Variants in KDM8 observed in about 807,000 individuals in gnomAD.
KDM8 encodes bifunctional peptidase and arginyl-hydroxylase JMJD5.
KDM8 carries 35 observed loss-of-function variants against 46.9 expected under a neutral mutation model. The ratio of observed to expected loss-of-function variants is 0.75; its 90% CI spans 0.57 to 0.99. The LOEUF is 0.99. Ranked by LOEUF, KDM8 falls within the 50% of genes least tolerant of loss-of-function variation. The pLI is 0.00. For synonymous variants in KDM8, 232 were observed against 227.7 expected, an observed-to-expected ratio of 1.02 and a Z score of -0.17; for missense variants, 475 against 537.0, an observed-to-expected ratio of 0.88 and a Z score of 1.14.
intron 6 of KDM8, 33 bp from the exon 7 acceptor site, chr16:27,220,360 C>T (rs377052070): frequency 2.5e-5 from 40 of 1,590,306 alleles, no homozygotes; most frequent in Non-Finnish European, 3.1e-5. Flanking sequence ...TGGAGTGAGG[C>T]CACCAGCTGA....
At chr16:27,220,369 G>A (rs1344144026) in intron 6 of KDM8, 24 bp from the exon 7 acceptor site, 9 of 1,605,670 alleles carry the variant, frequency 5.6e-6, no homozygotes, top group Non-Finnish European at 7.7e-6. Flanking sequence ...GCCACCAGCT[G>A]ACTGTCAGGG....
intron 2 of KDM8, among the ~76,000 whole-genome samples, chr16:27,212,219 G>A (rs1167425224): frequency 4.0e-5 from 6 of 151,420 alleles, no homozygotes; most frequent in Non-Finnish European, 3.0e-5. Context: ...AGAATGTTCA[G>A]CCTCACCTCT....
intron 1 of KDM8, chr16:27,204,116 C>T (rs965446900): frequency 6.5e-7 from 1 of 1,545,948 alleles, no homozygotes; most frequent in Non-Finnish European, 8.7e-7. Context: ...AATGCAGCCC[C>T]GGGGAAGGCG....
At position 27,220,866 on chromosome 16, in the gene KDM8, T is replaced by TG. The variant is rs1567267817; in HGVS notation, c.*142dup. On this transcript the variant is annotated 3_prime_UTR_variant, in exon 8 of 8. Coordinates refer to ENST00000286096, the MANE Select transcript of KDM8 (RefSeq NM_024773.3). ...AGCCTTCACTGCCCAGTGGCAGCCC[T>TG]GGGGGGCTGAGCTCCAGCACTGGAC... 1.1e-5 allele frequency: 12 copies of TG among 1,058,548 alleles called. 1 individual carries two copies. In the East Asian group the frequency reaches 1.2e-4, roughly 11 times the overall value. 65.6% of individuals were successfully genotyped at this position (1,058,548 alleles called of 1,614,324 possible).
chr16:27,213,913 G>A, intron 3 of KDM8, 162 bp downstream of exon 3: 1 of 699,230 alleles, frequency 1.4e-6, no homozygotes, highest in Non-Finnish European at 2.3e-6. Context: ...TGAAAAGTAA[G>A]GTGCTCTGAA....
intron 1 of KDM8, among the ~76,000 whole-genome samples, chr16:27,208,787 C>G (rs2083451521): frequency 6.6e-6 from 1 of 152,188 alleles, no homozygotes; most frequent in African/African-American, 2.4e-5. Flanking sequence ...CTGTGAAACG[C>G]TCCAAGAAGG....
At chr16:27,214,651 G>A (rs1567264765) in intron 3 of KDM8, 3 of 497,302 alleles carry the variant, frequency 6.0e-6, no homozygotes, top group South Asian at 3.0e-5. Context: ...CAGACTTACC[G>A]GCCCTGTCTG....
At position 27,220,426 on chromosome 16, in the gene KDM8, C is replaced by T. The variant is rs1336424871; in HGVS notation, c.1027C>T (p.Pro343Ser). 1 of 1,614,082 alleles carries T rather than the reference C, an allele frequency of 6.2e-7. No individual in the cohort carries two copies. The highest frequency in any genetic ancestry group is 8.5e-7 in the Non-Finnish European group (1 of 1,180,008). Residue 343 changes from proline (P) to serine (S), a missense_variant, in exon 7 of 8, where the codon CCG (proline) becomes TCG (serine). Pro to Ser is a moderately conservative substitution (Grantham distance 74, BLOSUM62 -1). Transcript: ENST00000286096. Reference sequence around the variant, plus strand: ...GAGGAAGTACATCCGGCTGTATTCCCCGCAGGAGTCAGGGGCTCTGTACCC... The same window carrying T: ...GAGGAAGTACATCCGGCTGTATTCCTCGCAGGAGTCAGGGGCTCTGTACCC... The part of the protein sequence containing the change: ...MGRKYIRLYS[P>S]QESGALYPHD...
chr16:27,214,843 C>T, intron 3 of KDM8, 33 bp from the exon 4 acceptor site: 1 of 1,612,836 alleles, frequency 6.2e-7, no homozygotes, highest in Non-Finnish European at 8.5e-7. Flanking sequence ...CAGATATTAG[C>T]AGTGACGATG....
chr16:27,216,326 G>A (rs2083552662), intron 5 of KDM8, among the ~76,000 whole-genome samples: 1 of 152,134 alleles, frequency 6.6e-6, no homozygotes, highest in South Asian at 2.1e-4. Context: ...ACCGAGCCCT[G>A]GACGTGGGTG....
Position 27,210,195 on chromosome 16 carries a change from G to A in KDM8, c.72G>A (p.Ala24=), listed in dbSNP as rs200564818. The change falls in exon 2 of 8, where the codon GCG becomes GCA. Residue 24 remains alanine (A), a synonymous_variant. Coordinates refer to ENST00000286096, the MANE Select transcript of KDM8 (RefSeq NM_024773.3). ...GCACTTTATGGGAGGCCCTCAGGGCGCTCCTGCCGCACAGTAAAGAAGACC... is the reference window on the plus strand; with the variant it reads ...GCACTTTATGGGAGGCCCTCAGGGCACTCCTGCCGCACAGTAAAGAAGACC... ...REGTLWEALR[A]LLPHSKEDLK... is the part of the protein sequence containing the mutation. 3.7e-5 allele frequency: 59 copies of A among 1,613,324 alleles called. No individual in the cohort carries two copies. In the East Asian group the frequency reaches 7.8e-4, roughly 21 times the overall value.
chr16:27,206,802 G>A (rs2083432562), intron 1 of KDM8, among the ~76,000 whole-genome samples: 1 of 152,188 alleles, frequency 6.6e-6, no homozygotes, highest in African/African-American at 2.4e-5. Context: ...CTTCCCAGGA[G>A]GGCCATCTCA....
intron 1 of KDM8, chr16:27,203,940 T>C (rs968869264): frequency 1.7e-6 from 1 of 584,392 alleles, no homozygotes; most frequent in Non-Finnish European, 3.0e-6. Flanking sequence ...TGCTGTGCGC[T>C]TTAGCGGTTC....
intron 2 of KDM8, chr16:27,211,438 TG>T: frequency 3.3e-6 from 1 of 304,774 alleles, no homozygotes. Flanking sequence ...GAACAGAGCA[TG>T]GTTTACTCTG....
chr16:27,217,772 G>A (rs549157343), intron 5 of KDM8, among the ~76,000 whole-genome samples: 1 of 152,284 alleles, frequency 6.6e-6, no homozygotes, highest in South Asian at 2.1e-4. Flanking sequence ...CTGCGGAGCA[G>A]TGACTCTTAA....
At chr16:27,215,851 G>GTC in intron 4 of KDM8, 94 bp from the exon 5 acceptor site, 1 of 1,325,886 alleles carries the variant, frequency 7.5e-7, no homozygotes, top group Non-Finnish European at 1.1e-6. Context: ...GACGGGTGCT[G>GTC]CAGCTGGGGC....
rs760276385 is a variant in KDM8, at chr16:27,213,595, C to T, written c.509C>T (p.Ala170Val). ...PEQPCTKKAR[A>V]DHGLIPDVKL... ...TTTGATTTTAAACAGAAAGCAAGGG[C>T]GGACCATGGTTTGATTCCAGATGTG... The change falls in exon 3 of 8, where the codon GCG (alanine) becomes GTG (valine). Residue 170 changes from alanine (A) to valine (V), a missense_variant. Coordinates refer to ENST00000286096, the MANE Select transcript of KDM8 (RefSeq NM_024773.3). The T allele has an allele frequency of 8.7e-6, 14 of 1,613,916 alleles. No homozygotes were observed. The highest frequency in any genetic ancestry group is 1.7e-5 in the Admixed American group (1 of 59,986).
chr16:27,213,865 A>T, intron 3 of KDM8, 114 bp downstream of exon 3: 1 of 1,055,054 alleles, frequency 9.5e-7, no homozygotes, highest in Non-Finnish European at 1.4e-6. Flanking sequence ...ATGCTTCACT[A>T]GCAGCCCTTG....
rs118164260 is a variant in KDM8 at position 27,211,325 on chromosome 16, G to C, written c.498+704G>C. 3,011 of 402,824 alleles carry C rather than the reference G, an allele frequency of 7.5e-3. 22 individuals are homozygous for C. Among genetic ancestry groups the C allele is most frequent in the Non-Finnish European group, 9.9e-3 (2,021 of 203,854 alleles). The allele number at this position is 402,824 out of a possible 1,614,324, so 25.0% of individuals were successfully genotyped here. Reference sequence around the variant, plus strand: ...TACCTCCAGCTGCTCCTGTCTCTCTGCTCCTGGGTTTGGATGAGATACTAC... The same window carrying C: ...TACCTCCAGCTGCTCCTGTCTCTCTCCTCCTGGGTTTGGATGAGATACTAC... On this transcript the variant is annotated intron_variant, in intron 2 of 7. Transcript: ENST00000286096.
Sources: gnomAD v4.1 joint callset for allele counts (sites outside exome capture counted in the v4.1 genomes callset) on GRCh38, gnomAD v4.1.1 for gene constraint, MANE v1.5 for transcripts, NCBI Gene and HGNC (gene_info 2026-07-23, HGNC 2026-07-21) for gene names.